The following SMIM13 variants were observed in gnomAD, a reference collection of about 807,000 sequenced individuals.
SMIM13 encodes the protein UPF0766 protein C6orf228.
A neutral mutation model predicts 5.9 loss-of-function variants in SMIM13; 3 were observed. The ratio of observed to expected loss-of-function variants is 0.51; its 90% CI spans 0.23 to 1.31. SMIM13 has a LOEUF of 1.31. Among genes scored for constraint, SMIM13 ranks in the 40% most tolerant of loss-of-function variants. SMIM13 has a pLI of 0.18. For missense variants in SMIM13, 85 were observed against 109.9 expected (o/e 0.77, Z 1.01); for synonymous variants, 55 against 46.0 (o/e 1.19, Z -0.79).
chr6:11,113,202 G>A (rs1367305094), intron 1 of SMIM13, among the ~76,000 whole-genome samples: 1 of 152,162 alleles, frequency 6.6e-6, no homozygotes, highest in Non-Finnish European at 1.5e-5. Context: ...TTTCTCTTGA[G>A]TAACTTCATT....
intron 1 of SMIM13, among the ~76,000 whole-genome samples, chr6:11,097,573 C>T (rs1378043154): frequency 6.6e-6 from 1 of 151,164 alleles, no homozygotes; most frequent in African/African-American, 2.4e-5. Context: ...GAGGTTGAGG[C>T]AGGAGAACTG....
rs937611430 is a variant in SMIM13 at position 11,134,434 on chromosome 6, A to C, written c.108A>C (p.Ser36=). ...GWYFVWHLFL[S]KFKFLRELVG... is the part of the protein sequence containing the mutation. ...ATTTTGTATGGCATCTTTTTTTATCAAAATTCAAGTTTCTCCGGGAACTGG... is the reference window on the plus strand; with the variant it reads ...ATTTTGTATGGCATCTTTTTTTATCCAAATTCAAGTTTCTCCGGGAACTGG... Residue 36 remains serine, a synonymous_variant, in exon 2 of 2, where the codon TCA becomes TCC. Transcript: ENST00000416247. 3.2e-6 allele frequency: 5 copies of C among 1,550,724 alleles called. No individual in the cohort carries two copies. The highest frequency in any genetic ancestry group is 4.4e-6 in the Non-Finnish European group (5 of 1,146,514).
intron 1 of SMIM13, among the ~76,000 whole-genome samples, chr6:11,115,925 G>A (rs1758232866): frequency 6.6e-6 from 1 of 150,584 alleles, no homozygotes; most frequent in Non-Finnish European, 1.5e-5. Context: ...GACCTCAGGT[G>A]ATCCAACTGC....
intron 1 of SMIM13, chr6:11,104,728 C>T (rs1441615944): frequency 1.2e-6 from 2 of 1,614,056 alleles, no homozygotes; most frequent in Non-Finnish European, 1.7e-6. Flanking sequence ...CTTGGGCGTC[C>T]CTGGCAAAAC....
chr6:11,105,350 T>C (rs541442050), intron 1 of SMIM13: 2 of 1,475,358 alleles, frequency 1.4e-6, no homozygotes, highest in African/African-American at 2.8e-5. Context: ...GAGCTGCCAA[T>C]GGAACTCCTG....
At chr6:11,123,711 G>A (rs1422010307) in intron 1 of SMIM13, among the ~76,000 whole-genome samples, 1 of 152,122 alleles carries the variant, frequency 6.6e-6, no homozygotes, top group East Asian at 1.9e-4. Context: ...ACATATTTAT[G>A]GAGTATATAT....
intron 1 of SMIM13, among the ~76,000 whole-genome samples, chr6:11,115,390 T>G (rs1047965314): frequency 1.3e-5 from 2 of 152,086 alleles, no homozygotes; most frequent in African/African-American, 4.8e-5. Flanking sequence ...CCTTCAAGCT[T>G]ATGTGGTTGT....
chr6:11,114,592 CTTTTT>C (rs58585640), intron 1 of SMIM13, among the ~76,000 whole-genome samples: 3 of 21,824 alleles, frequency 1.4e-4, no homozygotes, highest in African/African-American at 4.2e-4. Context: ...CACTTTTTCT[CTTTTT>C]TTTTTTTTTT....
chr6:11,134,457 T>C lies in SMIM13; in HGVS notation c.131T>C (p.Leu44Pro). The C allele has an allele frequency of 6.4e-7, 1 of 1,551,288 alleles. No homozygotes were observed. Among genetic ancestry groups the C allele is most frequent in the Non-Finnish European group, 8.7e-7 (1 of 1,146,696 alleles). ...TCAAAATTCAAGTTTCTCCGGGAAC[T>C]GGTGGGAGACACAGGATCCCAAGAG... ...FLSKFKFLRE[L>P]VGDTGSQEGD... Residue 44 changes from leucine (L) to proline (P), a missense_variant, in exon 2 of 2, where the codon CTG becomes CCG. Transcript: ENST00000416247.
chr6:11,114,089 C>T (rs1300435029), intron 1 of SMIM13, among the ~76,000 whole-genome samples: 1 of 151,758 alleles, frequency 6.6e-6, no homozygotes, highest in East Asian at 1.9e-4. Flanking sequence ...AAGCGATTCT[C>T]CTGCCTCAGC....
intron 1 of SMIM13, among the ~76,000 whole-genome samples, chr6:11,094,690 G>C (rs1431807104): frequency 6.6e-6 from 1 of 152,192 alleles, no homozygotes; most frequent in Non-Finnish European, 1.5e-5. Flanking sequence ...AGGCTGCCCA[G>C]ATTGTAACCT....
At chr6:11,105,256 G>A (rs1758067894) in intron 1 of SMIM13, 1 of 1,614,144 alleles carries the variant, frequency 6.2e-7, no homozygotes, top group Non-Finnish European at 8.5e-7. Flanking sequence ...AAATCAGGAT[G>A]GCGGTAGGCT....
intron 1 of SMIM13, among the ~76,000 whole-genome samples, chr6:11,127,642 G>A (rs1758394251): frequency 6.6e-6 from 1 of 152,190 alleles, no homozygotes; most frequent in South Asian, 2.1e-4. Flanking sequence ...TGAGGAAGAC[G>A]CAAAAGTGGA....
At chr6:11,129,722 G>T (rs945400184) in intron 1 of SMIM13, among the ~76,000 whole-genome samples, 4 of 151,974 alleles carry the variant, frequency 2.6e-5, no homozygotes, top group African/African-American at 9.7e-5. Flanking sequence ...TGTGTTGGTT[G>T]CTCTAGCTTT....
intron 1 of SMIM13, among the ~76,000 whole-genome samples, chr6:11,130,100 C>T (rs946232040): frequency 6.6e-6 from 1 of 151,950 alleles, no homozygotes; most frequent in East Asian, 1.9e-4. Context: ...CCTGTCTGTC[C>T]CCAAAATTAC....
At chr6:11,101,032 CTTT>C (rs200622017) in intron 1 of SMIM13, among the ~76,000 whole-genome samples, 1 of 127,498 alleles carries the variant, frequency 7.8e-6, no homozygotes, top group Admixed American at 7.8e-5. Flanking sequence ...TCTCCATTTT[CTTT>C]TTTTTTTTTT....
At position 11,105,000 on chromosome 6, in the gene SMIM13, C is replaced by T. The variant is rs369615242; in HGVS notation, c.76+10611C>T. 53 of 1,614,084 alleles carry T rather than the reference C, an allele frequency of 3.3e-5. No individual in the cohort carries two copies. The Middle Eastern group carries it at 4.9e-4, about 15-fold the overall frequency. On this transcript the variant is annotated intron_variant, in intron 1 of 1. Coordinates refer to ENST00000416247, the MANE Select transcript of SMIM13 (RefSeq NM_001135575.2). ...GGGTCCGAAAATGGGAGGTTTCTGGCGGATATCAGGGAAATCTTGCTTTAC... is the reference window on the plus strand; with the variant it reads ...GGGTCCGAAAATGGGAGGTTTCTGGTGGATATCAGGGAAATCTTGCTTTAC...
At chr6:11,131,135 G>A (rs1176452452) in intron 1 of SMIM13, among the ~76,000 whole-genome samples, 2 of 152,052 alleles carry the variant, frequency 1.3e-5, no homozygotes, top group Non-Finnish European at 2.9e-5. Flanking sequence ...GTTAAGAGAA[G>A]TTTTCCTTAG....
chr6:11,120,146 A>G (rs2113660056), intron 1 of SMIM13, among the ~76,000 whole-genome samples: 1 of 152,352 alleles, frequency 6.6e-6, no homozygotes, highest in Non-Finnish European at 1.5e-5. Flanking sequence ...AGGTGAGATT[A>G]TATAACTCCA....
Sources: allele counts gnomAD v4.1 joint callset (sites outside exome capture counted in the v4.1 genomes callset), GRCh38; gene constraint gnomAD v4.1.1; transcripts MANE v1.5; gene names NCBI Gene and HGNC (gene_info 2026-07-23, HGNC 2026-07-21).